Variants in CSNK1G1 observed in about 807,000 individuals in gnomAD.
CSNK1G1 encodes casein kinase I isoform gamma-1.
A neutral mutation model predicts 59.6 loss-of-function variants in CSNK1G1; 22 were observed. The ratio of observed to expected loss-of-function variants is 0.37; its 90% CI spans 0.26 to 0.53. CSNK1G1 has a LOEUF of 0.53. CSNK1G1 is among the 20% of genes least tolerant of loss of function. CSNK1G1 has a pLI of 0.89. For missense variants in CSNK1G1, 384 were observed against 519.5 expected (o/e 0.74, Z 2.54); for synonymous variants, 179 against 177.1 (o/e 1.01, Z -0.08).
chr15:64,274,568 GC>G (rs1285131358), intron 2 of CSNK1G1, among the ~76,000 whole-genome samples: 2 of 152,068 alleles, frequency 1.3e-5, no homozygotes, highest in African/African-American at 4.8e-5. Context: ...TCACTTCCTG[GC>G]TATTGGTTCC....
At chr15:64,294,912 CAAAAA>C (rs937758323) in intron 2 of CSNK1G1, among the ~76,000 whole-genome samples, 2 of 51,152 alleles carry the variant, frequency 3.9e-5, no homozygotes, top group East Asian at 6.3e-4. Flanking sequence ...AACTTCGTCT[CAAAAA>C]AAAAAAAAAA....
intron 2 of CSNK1G1, among the ~76,000 whole-genome samples, chr15:64,292,420 T>C (rs1323627797): frequency 6.6e-6 from 1 of 152,232 alleles, no homozygotes; most frequent in Non-Finnish European, 1.5e-5. Flanking sequence ...CCTGTGTTAA[T>C]GCATTTTTGC....
At chr15:64,355,495 C>T (rs1241543029) in intron 1 of CSNK1G1, among the ~76,000 whole-genome samples, 3 of 152,230 alleles carry the variant, frequency 2.0e-5, no homozygotes. Context: ...ATTACCCACT[C>T]TTGTGCCCTA....
intron 10 of CSNK1G1, chr15:64,181,246 G>A: frequency 2.0e-6 from 3 of 1,535,840 alleles, no homozygotes; most frequent in South Asian, 1.2e-5. Flanking sequence ...TCCCCGAAAT[G>A]TAAGTGAAGG....
intron 10 of CSNK1G1, among the ~76,000 whole-genome samples, chr15:64,185,878 AAGAGAG>A (rs1229158879): frequency 1.3e-5 from 2 of 151,626 alleles, no homozygotes; most frequent in African/African-American, 2.4e-5. Context: ...AAAAAAAAAA[AAGAGAG>A]AAAAAGAAAT....
intron 1 of CSNK1G1, among the ~76,000 whole-genome samples, chr15:64,301,159 A>AT (rs1373145496): frequency 6.6e-6 from 1 of 152,186 alleles, no homozygotes; most frequent in Non-Finnish European, 1.5e-5. Flanking sequence ...CTATCCAAGC[A>AT]TTTACCAAGC....
intron 10 of CSNK1G1, among the ~76,000 whole-genome samples, chr15:64,183,039 CAT>C (rs1393981846): frequency 6.6e-6 from 1 of 152,110 alleles, no homozygotes; most frequent in Non-Finnish European, 1.5e-5. Context: ...TTACAGGAAA[CAT>C]AGTAAGTTTC....
chr15:64,346,119 C>CA (rs1419301756), intron 1 of CSNK1G1, among the ~76,000 whole-genome samples: 1 of 151,994 alleles, frequency 6.6e-6, no homozygotes, highest in African/African-American at 2.4e-5. Flanking sequence ...CGACTGGATG[C>CA]AGTGGCTCAC....
At chr15:64,307,997 T>G (rs943191133) in intron 1 of CSNK1G1, among the ~76,000 whole-genome samples, 1 of 152,106 alleles carries the variant, frequency 6.6e-6, no homozygotes, top group African/African-American at 2.4e-5. Context: ...GTCAGCAACT[T>G]ACGCTTATGT....
Position 64,303,241 on chromosome 15 carries a change from T to TA in CSNK1G1, c.-224-2519dup, listed in dbSNP as rs1186963998. On this transcript the variant is annotated intron_variant, in intron 1 of 11. Transcript: ENST00000303052. ...GGGCAACACAGAAAGACCCTGTCTC[T>TA]AAAAAAAAAAACAAAAAAAAAATTA... is the stretch of plus-strand genomic sequence containing the variant. Among the ~76,000 whole-genome samples, 774 of 83,690 alleles carry TA rather than the reference T, an allele frequency of 9.2e-3. 9 individuals are homozygous for TA. Among genetic ancestry groups the TA allele is most frequent in the African/African-American group, 0.023 (483 of 21,294 alleles). The allele number at this position is 83,690 out of a possible 152,430, so 54.9% of individuals were successfully genotyped here.
At chr15:64,273,757 A>G (rs1596198134) in intron 2 of CSNK1G1, among the ~76,000 whole-genome samples, 1 of 152,132 alleles carries the variant, frequency 6.6e-6, no homozygotes, top group African/African-American at 2.4e-5. Flanking sequence ...AAAATCACAT[A>G]ATGTTTTAAG....
intron 4 of CSNK1G1, among the ~76,000 whole-genome samples, chr15:64,228,018 T>C (rs1269270752): frequency 1.3e-5 from 2 of 152,168 alleles, no homozygotes; most frequent in Non-Finnish European, 2.9e-5. Context: ...TTCCAGTACA[T>C]AAATCCCCCA....
At chr15:64,203,930 G>T (rs73462580) in intron 9 of CSNK1G1, among the ~76,000 whole-genome samples, 2 of 151,884 alleles carry the variant, frequency 1.3e-5, no homozygotes, top group African/African-American at 4.8e-5. Context: ...ATCACCTCAG[G>T]TCAGGAGTTT....
At chr15:64,335,947 A>G (rs1236866415) in intron 1 of CSNK1G1, 1 of 152,170 alleles carries the variant, frequency 6.6e-6, no homozygotes, top group Non-Finnish European at 1.5e-5. Flanking sequence ...GTTTGTCACT[A>G]TACCCCCAGT....
At position 64,169,619 on chromosome 15, in the gene CSNK1G1, C is replaced by T. The variant is rs929863192; in HGVS notation, c.*2312G>A. ...CTTTCTATACAGTAAGTTAGCAATG[C>T]CCAAATCCCAACTGAGAAACGATGT... On this transcript the variant is annotated 3_prime_UTR_variant, in exon 12 of 12. Transcript: ENST00000303052. 1.3e-5 allele frequency: 2 copies of T among 152,160 alleles called. No individual in the cohort carries two copies. Among genetic ancestry groups the T allele is most frequent in the Admixed American group, 1.3e-4 (2 of 15,264 alleles). The allele number at this position is 152,160 out of a possible 1,614,324, so 9.4% of individuals were successfully genotyped here. A position where few individuals can be genotyped will look rare whatever the true frequency, so the allele number is the denominator to read the frequency against.
chr15:64,191,057 TTTTTG>T (rs1243090498), intron 10 of CSNK1G1, among the ~76,000 whole-genome samples: 9 of 152,088 alleles, frequency 5.9e-5, no homozygotes, highest in Non-Finnish European at 1.2e-4. Context: ...TGCATTTGTT[TTTTTG>T]TTTTGTTTTG....
chr15:64,271,684 G>A (rs1054065845), intron 2 of CSNK1G1, among the ~76,000 whole-genome samples: 1 of 152,202 alleles, frequency 6.6e-6, no homozygotes, highest in African/African-American at 2.4e-5. Context: ...GTCCAAATAT[G>A]TGGTTGATTT....
At chr15:64,223,369 G>A (rs767071327) in intron 4 of CSNK1G1, among the ~76,000 whole-genome samples, 3 of 152,164 alleles carry the variant, frequency 2.0e-5, no homozygotes, top group Non-Finnish European at 2.9e-5. Context: ...AGATCCTTAA[G>A]TGCAACATAA....
intron 10 of CSNK1G1, among the ~76,000 whole-genome samples, chr15:64,183,575 T>C (rs1279238029): frequency 2.0e-5 from 3 of 152,196 alleles, no homozygotes; most frequent in Non-Finnish European, 2.9e-5. Flanking sequence ...AGCCCTATTT[T>C]CTAATTCCAT....
Sources: allele counts gnomAD v4.1 joint callset (sites outside exome capture counted in the v4.1 genomes callset), GRCh38; gene constraint gnomAD v4.1.1; transcripts MANE v1.5; gene names NCBI Gene and HGNC (gene_info 2026-07-23, HGNC 2026-07-21).